Variants in PSMD14 observed in about 807,000 individuals in gnomAD.
PSMD14 encodes proteasome 26S subunit, non-ATPase 14.
A neutral mutation model predicts 41.2 loss-of-function variants in PSMD14; 7 were observed. That is an observed-to-expected ratio of 0.17 (90% confidence interval 0.10 to 0.32). PSMD14 has a LOEUF of 0.32. Ranked by LOEUF, PSMD14 falls within the 10% of genes least tolerant of loss-of-function variation. PSMD14 has a pLI of 1.00. For synonymous variants in PSMD14, 114 were observed against 122.3 expected, an observed-to-expected ratio of 0.93 and a Z score of 0.45; for missense variants, 139 against 375.6, an observed-to-expected ratio of 0.37 and a Z score of 5.21.
chr2:161,353,156 A>G (rs541396214), intron 3 of PSMD14, among the ~76,000 whole-genome samples: 1 of 152,346 alleles, frequency 6.6e-6, no homozygotes, highest in African/African-American at 2.4e-5. Context: ...GATACTCTAT[A>G]TCATAATAGT....
At chr2:161,383,315 G>A (rs951230988) in intron 7 of PSMD14, 1 of 152,004 alleles carries the variant, frequency 6.6e-6, no homozygotes, top group Admixed American at 6.6e-5. Flanking sequence ...TATAGTGATG[G>A]CAGCAAATTC....
intron 3 of PSMD14, among the ~76,000 whole-genome samples, chr2:161,349,192 CTGT>C (rs1683084942): frequency 6.6e-6 from 1 of 152,218 alleles, no homozygotes; most frequent in Non-Finnish European, 1.5e-5. Context: ...TATCTACAGT[CTGT>C]TGTTTTATAA....
At chr2:161,403,962 A>T (rs1012909729) in intron 10 of PSMD14, among the ~76,000 whole-genome samples, 1 of 151,602 alleles carries the variant, frequency 6.6e-6, no homozygotes, top group Non-Finnish European at 1.5e-5. Flanking sequence ...GGCGGGCTGC[A>T]TGATACTATC....
chr2:161,355,903 T>A (rs1254559379), intron 3 of PSMD14, among the ~76,000 whole-genome samples: 1 of 152,208 alleles, frequency 6.6e-6, no homozygotes, highest in Non-Finnish European at 1.5e-5. Flanking sequence ...CTATCTCCTC[T>A]ATCTTCTTTT....
intron 5 of PSMD14, 89 bp from the exon 6 acceptor site, chr2:161,370,018 A>G: frequency 1.1e-6 from 1 of 892,942 alleles, no homozygotes; most frequent in Non-Finnish European, 1.7e-6. Context: ...AACCTATAAA[A>G]TGATTTTGGC....
rs972254921 is a variant in PSMD14 at position 161,405,678 on chromosome 2, A to G, written c.772-3159A>G. Among the ~76,000 whole-genome samples the G allele has an allele frequency of 2.6e-5, 4 of 152,224 alleles. No individual in the cohort carries two copies. The East Asian group carries it at 5.8e-4, about 22-fold the overall frequency. On this transcript the variant is annotated intron_variant, in intron 10 of 11. Coordinates refer to ENST00000409682, the MANE Select transcript of PSMD14 (RefSeq NM_005805.6). ...AAAAATCATGAAAGAAGTAAAATAC[A>G]TATTTTTGAAATCCACTAGCAGTTA...
At chr2:161,361,206 T>A (rs1232612183) in intron 3 of PSMD14, among the ~76,000 whole-genome samples, 1 of 152,156 alleles carries the variant, frequency 6.6e-6, no homozygotes, top group African/African-American at 2.4e-5. Flanking sequence ...AAAGGAAATT[T>A]AGTTTTAAAT....
At chr2:161,400,492 A>G (rs1414153877) in intron 10 of PSMD14, among the ~76,000 whole-genome samples, 2 of 152,140 alleles carry the variant, frequency 1.3e-5, no homozygotes, top group Non-Finnish European at 2.9e-5. Context: ...ATATATTAGA[A>G]TCTTTTTTGA....
intron 3 of PSMD14, among the ~76,000 whole-genome samples, chr2:161,366,829 GT>G (rs1574131939): frequency 6.6e-6 from 1 of 152,170 alleles, no homozygotes; most frequent in Non-Finnish European, 1.5e-5. Flanking sequence ...GAGAAACATA[GT>G]GTCTTCCTTA....
At position 161,367,777 on chromosome 2, in the gene PSMD14, T is replaced by C; in HGVS notation, c.121-7T>C. The C allele has an allele frequency of 1.2e-6, 2 of 1,612,788 alleles. No individual in the cohort carries two copies. The highest frequency in any genetic ancestry group is 3.3e-5 in the Admixed American group (2 of 59,832). The stretch of plus-strand genomic sequence containing the variant: ...TGCTTTGTGTCCACATCTCTTCCTT[T>C]CTACAGATGTTAAAACATGGCCGTG... On this transcript the variant is annotated splice_polypyrimidine_tract_variant and splice_region_variant and intron_variant, in intron 4 of 11. Coordinates refer to ENST00000409682, the MANE Select transcript of PSMD14 (RefSeq NM_005805.6).
intron 3 of PSMD14, among the ~76,000 whole-genome samples, chr2:161,331,856 T>G (rs1310673323): frequency 6.6e-6 from 1 of 152,234 alleles, no homozygotes; most frequent in African/African-American, 2.4e-5. Context: ...ATGCACTTAA[T>G]TTTTTAATCC....
At chr2:161,338,850 G>T (rs1489558354) in intron 3 of PSMD14, among the ~76,000 whole-genome samples, 1 of 152,074 alleles carries the variant, frequency 6.6e-6, no homozygotes, top group African/African-American at 2.4e-5. Context: ...CTGATTTGCT[G>T]TCACTATACA....
chr2:161,403,802 G>T (rs760661312), intron 10 of PSMD14, among the ~76,000 whole-genome samples: 2 of 151,846 alleles, frequency 1.3e-5, no homozygotes, highest in African/African-American at 2.4e-5. Context: ...TCAATTCTCA[G>T]CCTAACCCTT....
intron 7 of PSMD14, among the ~76,000 whole-genome samples, chr2:161,372,742 C>T (rs959231286): frequency 1.3e-5 from 2 of 151,834 alleles, no homozygotes; most frequent in African/African-American, 4.8e-5. Context: ...GTTTAATTCT[C>T]TATTTTAAGG....
At chr2:161,332,549 T>C (rs952885415) in intron 3 of PSMD14, among the ~76,000 whole-genome samples, 1 of 152,164 alleles carries the variant, frequency 6.6e-6, no homozygotes, top group African/African-American at 2.4e-5. Context: ...ATCTGTGAAA[T>C]TGTTGATCAG....
At chr2:161,332,086 A>G (rs998572821) in intron 3 of PSMD14, among the ~76,000 whole-genome samples, 1 of 152,212 alleles carries the variant, frequency 6.6e-6, no homozygotes, top group African/African-American at 2.4e-5. Context: ...TTTATTGTAG[A>G]TCGAAAGTAA....
intron 3 of PSMD14, among the ~76,000 whole-genome samples, chr2:161,321,566 C>T (rs988103555): frequency 1.3e-5 from 2 of 152,122 alleles, no homozygotes; most frequent in Non-Finnish European, 2.9e-5. Flanking sequence ...CACAGAACTA[C>T]CCTTACTTCA....
At chr2:161,382,598 C>T (rs376846534) in intron 7 of PSMD14, 1 of 151,640 alleles carries the variant, frequency 6.6e-6, no homozygotes, top group African/African-American at 2.4e-5. Context: ...AATGGTCAGG[C>T]GGGTGAATAG....
intron 11 of PSMD14, chr2:161,409,810 A>G (rs1684000087): frequency 6.6e-6 from 1 of 152,134 alleles, no homozygotes. Context: ...TAAGTATTAC[A>G]GTTTAAAAAC....
Sources: allele counts gnomAD v4.1 joint callset (sites outside exome capture counted in the v4.1 genomes callset), GRCh38; gene constraint gnomAD v4.1.1; transcripts MANE v1.5; gene names NCBI Gene and HGNC (gene_info 2026-07-23, HGNC 2026-07-21).